Variants in ZNF75D observed in about 807,000 individuals in gnomAD.
ZNF75D encodes zinc finger protein 75D, also known as zinc finger protein 75.
Under a neutral mutation model 33.3 loss-of-function variants are expected in ZNF75D, and 33 were observed. That is an observed-to-expected ratio of 0.99 (90% confidence interval 0.75 to 1.32). The LOEUF (loss-of-function observed/expected upper bound fraction) is 1.32. ZNF75D is among the 40% of genes most tolerant of loss of function. The pLI is 0.00. For missense variants in ZNF75D, 338 were observed against 367.5 expected (o/e 0.92, Z 0.66); for synonymous variants, 113 against 130.6 (o/e 0.87, Z 0.92).
rs192366728 is a variant in ZNF75D, at chrX:135,266,845, G to T, written n.828-11068C>A. Among the ~76,000 whole-genome samples, 28 of 111,527 alleles carry T rather than the reference G, an allele frequency of 2.5e-4. No homozygotes were observed. In the East Asian group the frequency reaches 7.9e-3, roughly 31 times the overall value. ...AATACAATCTTTTCCTCGACACATG[G>T]ATCATTCTCAAGGGTAGGTCACAAA... On this transcript the variant is annotated intron_variant and non_coding_transcript_variant, in intron 1 of 3. Transcript: ENST00000494295.
chrX:135,272,246 C>T (rs1216665586), intron 1 of ZNF75D, among the ~76,000 whole-genome samples: 5 of 102,171 alleles, frequency 4.9e-5, no homozygotes, highest in African/African-American at 1.8e-4. Flanking sequence ...TATTACCCCT[C>T]TTCTCTGCTC....
intron 1 of ZNF75D, among the ~76,000 whole-genome samples, chrX:135,338,040 A>G (rs1309216519): frequency 9.0e-6 from 1 of 111,214 alleles, no homozygotes; most frequent in Non-Finnish European, 1.9e-5. Flanking sequence ...AGGAGGAGGA[A>G]GGTCACTGAT....
At chrX:135,279,485 C>T (rs1366590776) in intron 1 of ZNF75D, among the ~76,000 whole-genome samples, 1 of 111,651 alleles carries the variant, frequency 9.0e-6, no homozygotes, top group Admixed American at 9.5e-5. Flanking sequence ...TCTCTATCTC[C>T]TTCAGTTTGG....
chrX:135,340,670 T>C (rs950348388), intron 1 of ZNF75D, among the ~76,000 whole-genome samples: 1 of 112,118 alleles, frequency 8.9e-6, no homozygotes, highest in Non-Finnish European at 1.9e-5. Context: ...CTACTTGTTC[T>C]GCCCAGGAGT....
At chrX:135,301,557 A>G (rs1282549710) in intron 1 of ZNF75D, among the ~76,000 whole-genome samples, 2 of 112,254 alleles carry the variant, frequency 1.8e-5, no homozygotes, top group Non-Finnish European at 3.8e-5. Context: ...AATGGGAGAA[A>G]TTGGCCAAAA....
At chrX:135,326,735 G>A (rs993262249) in intron 1 of ZNF75D, among the ~76,000 whole-genome samples, 4 of 110,955 alleles carry the variant, frequency 3.6e-5, no homozygotes, top group Admixed American at 9.5e-5. Flanking sequence ...TGAGCCCACC[G>A]GGAGGAACGA....
At chrX:135,276,295 G>A (rs1469146718) in intron 1 of ZNF75D, among the ~76,000 whole-genome samples, 1 of 111,653 alleles carries the variant, frequency 9.0e-6, no homozygotes, top group Non-Finnish European at 1.9e-5. Context: ...TGAGAGCCCA[G>A]AAATAAAATC....
At chrX:135,310,922 C>A in intron 1 of ZNF75D, among the ~76,000 whole-genome samples, 1 of 110,761 alleles carries the variant, frequency 9.0e-6, no homozygotes, top group Non-Finnish European at 1.9e-5. Context: ...AGAGGACATC[C>A]AGGTAGAGGG....
At chrX:135,258,848 T>G (rs1358593894) in intron 1 of ZNF75D, among the ~76,000 whole-genome samples, 2 of 112,368 alleles carry the variant, frequency 1.8e-5, no homozygotes, top group African/African-American at 6.5e-5. Context: ...CTTTCGATGT[T>G]TTAGTCATGA....
At chrX:135,268,740 A>G (rs994338621) in intron 1 of ZNF75D, among the ~76,000 whole-genome samples, 1 of 111,748 alleles carries the variant, frequency 8.9e-6, no homozygotes, top group African/African-American at 3.3e-5. Context: ...AAAATAGAAA[A>G]AAAAAATCCT....
intron 2 of ZNF75D, among the ~76,000 whole-genome samples, chrX:135,294,949 C>T (rs908645474): frequency 8.9e-6 from 1 of 111,802 alleles, no homozygotes; most frequent in Admixed American, 9.5e-5. Context: ...TTTGTACTTG[C>T]GTATTAAATT....
At chrX:135,256,909 G>A (rs1252124020) in intron 1 of ZNF75D, among the ~76,000 whole-genome samples, 1 of 111,630 alleles carries the variant, frequency 9.0e-6, no homozygotes, top group Non-Finnish European at 1.9e-5. Context: ...GCTCCTGGGC[G>A]ACATTTCTAG....
chrX:135,300,019 T>C (rs2084192130), intron 1 of ZNF75D, among the ~76,000 whole-genome samples: 1 of 112,384 alleles, frequency 8.9e-6, no homozygotes, highest in African/African-American at 3.2e-5. Flanking sequence ...TTACTGTTGC[T>C]TTGTAGTAAG....
chrX:135,268,858 CT>C (rs1235772408), intron 1 of ZNF75D, among the ~76,000 whole-genome samples: 5 of 111,606 alleles, frequency 4.5e-5, no homozygotes, highest in Non-Finnish European at 9.4e-5. Flanking sequence ...TAATACAGAG[CT>C]ATAGGAATCA....
chrX:135,335,777 G>A (rs1285061467), intron 1 of ZNF75D, among the ~76,000 whole-genome samples: 2 of 111,505 alleles, frequency 1.8e-5, no homozygotes, highest in South Asian at 3.8e-4. Context: ...ATGATCCACC[G>A]CAAGTAAAAC....
chrX:135,305,865 T>C (rs1344442289), intron 1 of ZNF75D, among the ~76,000 whole-genome samples: 1 of 111,656 alleles, frequency 9.0e-6, no homozygotes, highest in African/African-American at 3.3e-5. Flanking sequence ...TAAGAAACCA[T>C]GTGAACAAAA....
rs1226546661 is a variant in ZNF75D at position 135,280,335 on chromosome X, A to G, written n.828-24558T>C. ...TCTGTTTGTTTGTTTGTTTCCATTT[A>G]CTTGGTAAATATTTCTCCATCCCTT... On this transcript the variant is annotated intron_variant and non_coding_transcript_variant, in intron 1 of 3. Transcript: ENST00000494295. 2.7e-5 allele frequency among the ~76,000 whole-genome samples: 3 copies of G among 111,422 alleles called. No individual in the cohort carries two copies. In the East Asian group the frequency reaches 8.5e-4, roughly 31 times the overall value.
chrX:135,309,433 T>G (rs369110530), intron 1 of ZNF75D: 1 of 296,343 alleles, frequency 3.4e-6, no homozygotes, highest in African/African-American at 2.7e-5. Context: ...TTTTTCAGGC[T>G]TCCTTGGTTG....
chrX:135,324,099 C>T (rs1329251941), intron 1 of ZNF75D, among the ~76,000 whole-genome samples: 2 of 110,705 alleles, frequency 1.8e-5, no homozygotes, highest in East Asian at 5.7e-4. Flanking sequence ...GGGCAGGCAA[C>T]CCGAGGCACT....
Sources: gnomAD v4.1 joint callset for allele counts (sites outside exome capture counted in the v4.1 genomes callset) on GRCh38, gnomAD v4.1.1 for gene constraint, MANE v1.5 for transcripts, NCBI Gene and HGNC (gene_info 2026-07-23, HGNC 2026-07-21) for gene names.